SLC24A2: variants seen among roughly 807,000 people sequenced by gnomAD.
SLC24A2 encodes the protein sodium/potassium/calcium exchanger 2.
SLC24A2 carries 36 observed loss-of-function variants against 62.0 expected under a neutral mutation model. The observed-to-expected ratio is 0.58, with a 90% CI of 0.44 to 0.77. The LOEUF is 0.77. SLC24A2 is among the 30% of genes least tolerant of loss of function. The probability of loss-of-function intolerance (pLI) is 0.00; values close to 1 mark genes in which losing one functional copy is unlikely to be tolerated. For synonymous variants in SLC24A2, 358 were observed against 294.0 expected (o/e 1.22, Z -2.23); for missense variants, 846 against 817.9 (o/e 1.03, Z -0.42).
the SLC24A2 span, among the ~76,000 whole-genome samples, chr9:20,145,837 CATGT>C: frequency 2.0e-4 from 30 of 151,782 alleles, no homozygotes; most frequent in African/African-American, 6.3e-4. Context: ...GCCATACATA[CATGT>C]ATTTCTTTTT....
the SLC24A2 span, among the ~76,000 whole-genome samples, chr9:20,031,229 C>CTGTG: frequency 6.7e-6 from 1 of 149,302 alleles, no homozygotes; most frequent in African/African-American, 2.5e-5. Context: ...CACACACACC[C>CTGTG]TGTGTGTGTG....
chr9:19,706,377 A>AT (rs1564053103), intron 2 of SLC24A2, among the ~76,000 whole-genome samples: 1 of 145,196 alleles, frequency 6.9e-6, no homozygotes, highest in African/African-American at 2.6e-5. Flanking sequence ...TGGGTCTTGA[A>AT]TCTTTTTTTT....
the SLC24A2 span, among the ~76,000 whole-genome samples, chr9:20,278,143 G>T: frequency 6.6e-6 from 1 of 152,078 alleles, no homozygotes; most frequent in African/African-American, 2.4e-5. Context: ...TAAATGACGA[G>T]TTAATGGGTG....
the SLC24A2 span, among the ~76,000 whole-genome samples, chr9:20,222,791 C>T: frequency 6.6e-6 from 1 of 151,940 alleles, no homozygotes; most frequent in Non-Finnish European, 1.5e-5. Flanking sequence ...TTTAAAAAAT[C>T]GCTGCCAACT....
At chr9:20,151,269 A>C in the SLC24A2 span, among the ~76,000 whole-genome samples, 2 of 151,946 alleles carry the variant, frequency 1.3e-5, no homozygotes, top group Non-Finnish European at 2.9e-5. Context: ...TATTATCATA[A>C]TTCCTGTGAA....
the SLC24A2 span, among the ~76,000 whole-genome samples, chr9:20,108,337 C>G: frequency 1.3e-5 from 2 of 152,096 alleles, no homozygotes; most frequent in South Asian, 2.1e-4. Context: ...ACCCAGCCAT[C>G]CCATTACTGG....
At chr9:19,533,110 G>A (rs1040575353) in intron 8 of SLC24A2, among the ~76,000 whole-genome samples, 1 of 152,236 alleles carries the variant, frequency 6.6e-6, no homozygotes, top group Admixed American at 6.5e-5. Context: ...GCATATAAAT[G>A]AAGCAGAAAT....
At chr9:19,680,850 G>GTT (rs1554697834) in intron 2 of SLC24A2, among the ~76,000 whole-genome samples, 1 of 106,314 alleles carries the variant, frequency 9.4e-6, no homozygotes, top group Non-Finnish European at 2.0e-5. Flanking sequence ...ATATACCAGA[G>GTT]TTGTGTGTGT....
At chr9:20,207,557 T>A in the SLC24A2 span, among the ~76,000 whole-genome samples, 3 of 152,352 alleles carry the variant, frequency 2.0e-5, 1 homozygote, top group East Asian at 5.8e-4. Flanking sequence ...CAACAATTTG[T>A]CTATAATTAT....
chr9:19,542,931 C>T (rs915968807), intron 8 of SLC24A2, among the ~76,000 whole-genome samples: 2 of 152,130 alleles, frequency 1.3e-5, no homozygotes, highest in African/African-American at 4.8e-5. Context: ...GTTTTGGTAT[C>T]AGGATGATGC....
intron 5 of SLC24A2, among the ~76,000 whole-genome samples, chr9:19,596,006 G>C (rs112739302): frequency 1.3e-5 from 2 of 152,270 alleles, no homozygotes; most frequent in African/African-American, 4.8e-5. Flanking sequence ...CAAGCTGTTG[G>C]TAGGGCCCAG....
intron 8 of SLC24A2, among the ~76,000 whole-genome samples, chr9:19,534,841 T>C (rs1028411471): frequency 4.2e-4 from 64 of 152,274 alleles, no homozygotes; most frequent in African/African-American, 1.5e-3. Flanking sequence ...GTCTTTATAG[T>C]AGAATGATTT....
the SLC24A2 span, among the ~76,000 whole-genome samples, chr9:20,122,632 G>A: frequency 6.6e-6 from 1 of 152,134 alleles, no homozygotes; most frequent in African/African-American, 2.4e-5. Flanking sequence ...ATTGCAGTGA[G>A]TCGAGATTGC....
chr9:20,108,499 C>G, the SLC24A2 span, among the ~76,000 whole-genome samples: 2 of 152,156 alleles, frequency 1.3e-5, no homozygotes, highest in Non-Finnish European at 1.5e-5. Flanking sequence ...ACATATACAC[C>G]ATGGAATACT....
the SLC24A2 span, among the ~76,000 whole-genome samples, chr9:19,871,972 G>C: frequency 6.6e-6 from 1 of 151,712 alleles, no homozygotes; most frequent in African/African-American, 2.4e-5. Context: ...TCTTTGGTTT[G>C]GTCCTAGTAC....
At chr9:19,546,820 A>C (rs1246757373) in intron 8 of SLC24A2, among the ~76,000 whole-genome samples, 1 of 151,942 alleles carries the variant, frequency 6.6e-6, no homozygotes, top group African/African-American at 2.4e-5. Context: ...AACCCAGGAC[A>C]CTGGAGGGTA....
the SLC24A2 span, among the ~76,000 whole-genome samples, chr9:19,890,648 G>A: frequency 1.3e-5 from 2 of 152,028 alleles, no homozygotes; most frequent in Non-Finnish European, 2.9e-5. Context: ...ATTCTTGTGT[G>A]ATCTCATTCC....
chr9:19,694,076 C>T (rs1442939669), intron 2 of SLC24A2, among the ~76,000 whole-genome samples: 2 of 146,464 alleles, frequency 1.4e-5, no homozygotes, highest in African/African-American at 5.3e-5. Flanking sequence ...CCAATTAAAA[C>T]ATGGTTAACT....
chr9:19,960,601 C>T, the SLC24A2 span, among the ~76,000 whole-genome samples: 4 of 152,284 alleles, frequency 2.6e-5, no homozygotes, highest in East Asian at 5.8e-4. Context: ...CAAAGGGATG[C>T]TGAGAAGAGT....
Sources: allele counts gnomAD v4.1 joint callset (sites outside exome capture counted in the v4.1 genomes callset), GRCh38; gene constraint gnomAD v4.1.1; transcripts MANE v1.5; gene names NCBI Gene and HGNC (gene_info 2026-07-23, HGNC 2026-07-21).